CRYBG3: variants seen among roughly 807,000 people sequenced by gnomAD.
CRYBG3 encodes the protein crystallin beta-gamma domain containing 3.
A neutral mutation model predicts 244.2 loss-of-function variants in CRYBG3; 127 were observed. The observed-to-expected ratio is 0.52, with a 90% CI of 0.45 to 0.60. The LOEUF (loss-of-function observed/expected upper bound fraction) is 0.60, where lower values mean the gene tolerates loss of function less well. CRYBG3 is among the 20% of genes least tolerant of loss of function. CRYBG3 has a pLI of 0.00. For missense variants in CRYBG3, 3,325 were observed against 3,442.5 expected (o/e 0.97, Z 0.85); for synonymous variants, 1,132 against 1,195.8 (o/e 0.95, Z 1.10).
intron 3 of CRYBG3, among the ~76,000 whole-genome samples, chr3:97,866,055 A>T (rs990108813): frequency 9.9e-5 from 15 of 152,224 alleles, no homozygotes; most frequent in African/African-American, 3.4e-4. Flanking sequence ...TTCAAATAAA[A>T]GAAGTCTAAT....
intron 2 of CRYBG3, among the ~76,000 whole-genome samples, chr3:97,859,665 T>G (rs1483173406): frequency 6.6e-6 from 1 of 152,194 alleles, no homozygotes; most frequent in Non-Finnish European, 1.5e-5. Flanking sequence ...TTTCAAATTC[T>G]CTAAATTTTG....
intron 17 of CRYBG3, among the ~76,000 whole-genome samples, chr3:97,919,547 G>C (rs1399482103): frequency 2.0e-5 from 3 of 151,918 alleles, no homozygotes; most frequent in Non-Finnish European, 4.4e-5. Flanking sequence ...CAGTAGCCTT[G>C]GTTTGGTAAT....
chr3:97,909,925 T>C (rs1234085685), intron 15 of CRYBG3, among the ~76,000 whole-genome samples: 1 of 149,044 alleles, frequency 6.7e-6, no homozygotes, highest in Admixed American at 6.7e-5. Flanking sequence ...GATGGGTTTT[T>C]GGTGTGGATG....
chr3:97,841,727 G>A (rs949621080), intron 1 of CRYBG3, among the ~76,000 whole-genome samples: 1 of 151,876 alleles, frequency 6.6e-6, no homozygotes. Flanking sequence ...TCCTGCTTAC[G>A]CTTGTCCCCT....
intron 1 of CRYBG3, among the ~76,000 whole-genome samples, chr3:97,823,834 G>A (rs926518222): frequency 6.6e-6 from 1 of 152,144 alleles, no homozygotes; most frequent in Non-Finnish European, 1.5e-5. Flanking sequence ...GTCAGTAATG[G>A]CCTGAAATCC....
At chr3:97,917,838 A>T (rs902582092) in intron 17 of CRYBG3, among the ~76,000 whole-genome samples, 4 of 152,032 alleles carry the variant, frequency 2.6e-5, no homozygotes, top group African/African-American at 9.7e-5. Context: ...CCTAAAAGAG[A>T]GTCCTTTTAC....
At chr3:97,935,722 C>T (rs977640273) in intron 18 of CRYBG3, among the ~76,000 whole-genome samples, 1 of 151,944 alleles carries the variant, frequency 6.6e-6, no homozygotes, top group African/African-American at 2.4e-5. Flanking sequence ...CACAAGCAAC[C>T]CTCTGTAGCT....
chr3:97,942,619 C>A, intron 21 of CRYBG3, 176 bp downstream of exon 21: 1 of 582,296 alleles, frequency 1.7e-6, no homozygotes, highest in Non-Finnish European at 2.9e-6. Flanking sequence ...GCAGAAAAAG[C>A]CAAACAACAA....
At chr3:97,906,769 C>T (rs1363159271) in intron 15 of CRYBG3, among the ~76,000 whole-genome samples, 1 of 152,144 alleles carries the variant, frequency 6.6e-6, no homozygotes, top group Middle Eastern at 3.4e-3. Flanking sequence ...CTGGCCAGAA[C>T]TTCCAACACT....
chr3:97,926,407 A>C (rs1359041094), intron 17 of CRYBG3, among the ~76,000 whole-genome samples: 1 of 152,082 alleles, frequency 6.6e-6, no homozygotes, highest in African/African-American at 2.4e-5. Flanking sequence ...CTAGGCATTG[A>C]AGGAACATAT....
intron 15 of CRYBG3, among the ~76,000 whole-genome samples, chr3:97,910,001 C>T (rs1395975606): frequency 6.6e-6 from 1 of 151,436 alleles, no homozygotes; most frequent in Admixed American, 6.6e-5. Flanking sequence ...GTTGGAATAC[C>T]CTGCCGTGTG....
At chr3:97,940,980 C>G (rs2040222135) in intron 19 of CRYBG3, among the ~76,000 whole-genome samples, 168 bp from the exon 20 acceptor site, 1 of 151,890 alleles carries the variant, frequency 6.6e-6, no homozygotes, top group African/African-American at 2.4e-5. Flanking sequence ...GCTCCACGGC[C>G]TAAGGATTTA....
At chr3:97,828,924 A>G (rs2038616088) in intron 1 of CRYBG3, among the ~76,000 whole-genome samples, 1 of 152,164 alleles carries the variant, frequency 6.6e-6, no homozygotes, top group African/African-American at 2.4e-5. Flanking sequence ...TGTATATACA[A>G]AAGAAGGGGA....
chr3:97,830,042 A>G (rs1222054178), intron 1 of CRYBG3, among the ~76,000 whole-genome samples: 1 of 152,182 alleles, frequency 6.6e-6, no homozygotes, highest in Non-Finnish European at 1.5e-5. Flanking sequence ...GCACTCAGCT[A>G]TTTTATACCC....
Position 97,874,610 on chromosome 3 carries a change from AT to A in CRYBG3, c.3419del (p.Phe1140SerfsTer40). 6.5e-7 allele frequency: 1 copy of A among 1,536,046 alleles called. No homozygotes were observed. The highest frequency in any genetic ancestry group is 1.2e-5 in the South Asian group (1 of 84,056). On this transcript the variant is annotated frameshift_variant, in exon 4 of 22. Transcript: ENST00000389622. LOFTEE classifies it high-confidence loss of function. The part of the protein sequence containing the change: ...FGIYTGKISI[D>X]FPTAAQFDNL... ...ATTTATACTGGGAAGATATCCATTG[AT>A]TTCCCAACTGCTGCCCAATTTGACA...
intron 18 of CRYBG3, 79 bp from the exon 19 acceptor site, chr3:97,936,706 A>C (rs1388819657): frequency 6.8e-7 from 1 of 1,466,434 alleles, no homozygotes; most frequent in East Asian, 2.3e-5. Context: ...GAACCCTATA[A>C]GGCAAAGTGC....
Position 97,914,538 on chromosome 3 carries a change from G to T in CRYBG3, c.8115-1072G>T, listed in dbSNP as rs530432819. ...GTGTAAACACCTGGAATGTGTGAGA[G>T]ACCTGGATTTGAGCCCAGTTCCACC... is the stretch of plus-strand genomic sequence containing the variant. On this transcript the variant is annotated intron_variant, in intron 16 of 21. Transcript: ENST00000389622. Among the ~76,000 whole-genome samples, 94 of 152,230 alleles carry T rather than the reference G, an allele frequency of 6.2e-4. No individual in the cohort carries two copies. In the South Asian group the frequency reaches 0.018, roughly 30 times the overall value.
chr3:97,853,906 A>C (rs1334200127), intron 2 of CRYBG3, among the ~76,000 whole-genome samples: 3 of 152,274 alleles, frequency 2.0e-5, no homozygotes, highest in Admixed American at 6.5e-5. Flanking sequence ...GCCTAAGTCA[A>C]TGTCTGGAAG....
At chr3:97,933,902 C>A in intron 18 of CRYBG3, 69 bp downstream of exon 18, 1 of 1,397,578 alleles carries the variant, frequency 7.2e-7, no homozygotes, top group Non-Finnish European at 1.0e-6. Context: ...AGTTGCAAAC[C>A]AAGTCCACTG....
Sources: allele counts gnomAD v4.1 joint callset (sites outside exome capture counted in the v4.1 genomes callset), GRCh38; gene constraint gnomAD v4.1.1; transcripts MANE v1.5; gene names NCBI Gene and HGNC (gene_info 2026-07-23, HGNC 2026-07-21).